The following CPVL variants were observed in gnomAD, a reference collection of about 807,000 sequenced individuals.
The protein encoded by CPVL is carboxypeptidase vitellogenic like, also known as probable serine carboxypeptidase CPVL.
Under a neutral mutation model 63.7 loss-of-function variants are expected in CPVL, and 51 were observed. The observed-to-expected ratio is 0.80, with a 90% confidence interval of 0.64 to 1.01. CPVL has a LOEUF of 1.01. CPVL is among the 50% of genes least tolerant of loss of function. The pLI, the probability that CPVL is intolerant of heterozygous loss-of-function variation, is 0.00. For synonymous variants in CPVL, 195 were observed against 206.0 expected, an observed-to-expected ratio of 0.95 and a Z score of 0.46; for missense variants, 530 against 573.1, an observed-to-expected ratio of 0.92 and a Z score of 0.77.
At chr7:29,007,840 C>T (rs1177249115) in intron 12 of CPVL, among the ~76,000 whole-genome samples, 1 of 152,084 alleles carries the variant, frequency 6.6e-6, no homozygotes, top group Non-Finnish European at 1.5e-5. Flanking sequence ...ATTCACTGAA[C>T]ATTTACTCAG....
At chr7:29,001,452 GAC>G (rs1784629185) in intron 12 of CPVL, 1 of 152,080 alleles carries the variant, frequency 6.6e-6, no homozygotes, top group African/African-American at 2.4e-5. Context: ...TTTGCTTTCA[GAC>G]ACTAACTATA....
intron 11 of CPVL, among the ~76,000 whole-genome samples, chr7:29,037,446 G>A (rs1021103223): frequency 1.3e-5 from 2 of 151,378 alleles, no homozygotes; most frequent in African/African-American, 4.9e-5. Flanking sequence ...CCAGCTACTT[G>A]GGAGGCTGAG....
intron 9 of CPVL, among the ~76,000 whole-genome samples, chr7:29,067,850 T>C (rs1160572107): frequency 6.6e-6 from 1 of 152,070 alleles, no homozygotes; most frequent in Non-Finnish European, 1.5e-5. Flanking sequence ...ACTAATAATG[T>C]CAGAGATGAG....
chr7:29,094,582 C>A (rs1735217574), intron 5 of CPVL, among the ~76,000 whole-genome samples: 1 of 152,144 alleles, frequency 6.6e-6, no homozygotes, highest in South Asian at 2.1e-4. Flanking sequence ...CGTGGTGGCT[C>A]ACACCTGTAA....
chr7:29,083,359 C>G (rs1408812619), intron 7 of CPVL, among the ~76,000 whole-genome samples: 1 of 152,204 alleles, frequency 6.6e-6, no homozygotes, highest in Non-Finnish European at 1.5e-5. Context: ...TGTGAGGGCC[C>G]CCCATCCTGG....
intron 9 of CPVL, among the ~76,000 whole-genome samples, chr7:29,070,929 A>G (rs974978887): frequency 9.2e-5 from 14 of 152,228 alleles, no homozygotes; most frequent in Admixed American, 6.5e-4. Flanking sequence ...TAATAACAAT[A>G]ACGACATTAG....
intron 5 of CPVL, among the ~76,000 whole-genome samples, chr7:29,155,756 A>G (rs961129217): frequency 1.3e-5 from 2 of 152,160 alleles, no homozygotes; most frequent in South Asian, 4.1e-4. Flanking sequence ...CCAGGAGGGT[A>G]GGCTGGCTGG....
At position 29,002,675 on chromosome 7, in the gene CPVL, A is replaced by G. The variant is rs546848170; in HGVS notation, c.1321-6793T>C. On this transcript the variant is annotated intron_variant, in intron 12 of 12. Transcript: ENST00000265394. Reference sequence around the variant, plus strand: ...TAGAAAAATAATTCACAAGATAATTAGAATATATACAAGAGAATCAAATGG... The same window carrying G: ...TAGAAAAATAATTCACAAGATAATTGGAATATATACAAGAGAATCAAATGG... Among the ~76,000 whole-genome samples the G allele has an allele frequency of 2.0e-5, 3 of 152,258 alleles. No individual in the cohort carries two copies. The South Asian group carries it at 6.2e-4, about 32-fold the overall frequency.
At chr7:29,119,905 C>T (rs755387123) in intron 2 of CPVL, among the ~76,000 whole-genome samples, 2 of 152,088 alleles carry the variant, frequency 1.3e-5, no homozygotes, top group African/African-American at 4.8e-5. Flanking sequence ...TCCACCTCCC[C>T]GGGATGTTGA....
chr7:28,995,431 G>C lies in CPVL; in HGVS notation c.*341C>G. ...TGGCAGAAAAAGATGTTACAGCTTTGTTTGTTACAACTGCACTTTTCACTT... is the reference window on the plus strand; with the variant it reads ...TGGCAGAAAAAGATGTTACAGCTTTCTTTGTTACAACTGCACTTTTCACTT... On this transcript the variant is annotated 3_prime_UTR_variant, in exon 13 of 13. Transcript: ENST00000265394. 1 of 193,354 alleles carries C rather than the reference G, an allele frequency of 5.2e-6. No homozygotes were observed. The highest frequency in any genetic ancestry group is 1.0e-5 in the Non-Finnish European group (1 of 96,346). 12.0% of individuals were successfully genotyped at this position (193,354 alleles called of 1,614,324 possible). A position where few individuals can be genotyped will look rare whatever the true frequency, so the allele number is the denominator to read the frequency against.
chr7:29,084,800 T>C (rs1416959176), intron 7 of CPVL, among the ~76,000 whole-genome samples: 2 of 152,188 alleles, frequency 1.3e-5, no homozygotes, highest in Admixed American at 6.5e-5. Context: ...AGGTGTGTAG[T>C]GAGATACAAT....
At chr7:29,079,877 C>T (rs1784534776) in intron 7 of CPVL, among the ~76,000 whole-genome samples, 1 of 152,138 alleles carries the variant, frequency 6.6e-6, no homozygotes, top group African/African-American at 2.4e-5. Context: ...GAGAGTCCAC[C>T]CTATTGGGTT....
At chr7:29,062,885 T>G (rs1279689341) in intron 11 of CPVL, among the ~76,000 whole-genome samples, 3 of 152,212 alleles carry the variant, frequency 2.0e-5, no homozygotes, top group Admixed American at 2.0e-4. Context: ...CCCTGTTTTT[T>G]GTTCATTCAA....
At chr7:29,016,618 C>T (rs1156425883) in intron 12 of CPVL, among the ~76,000 whole-genome samples, 1 of 152,098 alleles carries the variant, frequency 6.6e-6, no homozygotes, top group Non-Finnish European at 1.5e-5. Context: ...TGTGGCAGAC[C>T]ACGGGCCTGA....
At chr7:29,048,002 C>T (rs989439521) in intron 11 of CPVL, among the ~76,000 whole-genome samples, 2 of 152,108 alleles carry the variant, frequency 1.3e-5, no homozygotes, top group African/African-American at 4.8e-5. Context: ...TGAGAGAATT[C>T]ACAACTACCA....
At chr7:29,142,528 C>CTTT (rs10663904) in intron 1 of CPVL, among the ~76,000 whole-genome samples, 59,562 of 127,474 alleles carry the variant, frequency 0.47, 15,633 homozygotes, top group East Asian at 0.62. Flanking sequence ...CTTCCAGATA[C>CTTT]TTTTTTTTTT....
intron 12 of CPVL, chr7:29,009,613 T>C (rs532923849): frequency 5.9e-5 from 9 of 152,174 alleles, no homozygotes; most frequent in South Asian, 2.1e-4. Flanking sequence ...ACATACAGCG[T>C]TGAATAGCAA....
intron 5 of CPVL, among the ~76,000 whole-genome samples, chr7:29,160,776 C>T (rs1408311910): frequency 7.2e-5 from 11 of 152,138 alleles, no homozygotes; most frequent in African/African-American, 1.9e-4. Context: ...CTCTTAATGA[C>T]GTTGATCTAA....
intron 11 of CPVL, among the ~76,000 whole-genome samples, chr7:29,034,417 T>TG (rs1336818823): frequency 6.6e-6 from 1 of 152,098 alleles, no homozygotes; most frequent in Admixed American, 6.5e-5. Flanking sequence ...GGCCATAGAA[T>TG]GCTTTTTATT....
Sources: allele counts gnomAD v4.1 joint callset (sites outside exome capture counted in the v4.1 genomes callset), GRCh38; gene constraint gnomAD v4.1.1; transcripts MANE v1.5; gene names NCBI Gene and HGNC (gene_info 2026-07-23, HGNC 2026-07-21).